The following ASAP2 variants were observed in gnomAD, a reference collection of about 807,000 sequenced individuals.
ASAP2 encodes ArfGAP with SH3 domain, ankyrin repeat and PH domain 2, also known as arf-GAP with SH3 domain, ANK repeat and PH domain-containing protein 2.
In ASAP2, 45 loss-of-function variants were observed where a neutral mutation model predicts 131.4. That is an observed-to-expected ratio of 0.34 (90% CI 0.27 to 0.44). The LOEUF (loss-of-function observed/expected upper bound fraction) is 0.44, where lower values mean the gene tolerates loss of function less well. Among genes scored for constraint, ASAP2 ranks in the 20% least tolerant of loss-of-function variants. ASAP2 has a pLI of 1.00. For synonymous variants in ASAP2, 510 were observed against 503.0 expected (o/e 1.01, Z -0.19); for missense variants, 1,011 against 1,297.0 (o/e 0.78, Z 3.39).
chr2:9,395,111 G>A (rs540325137), intron 24 of ASAP2, among the ~76,000 whole-genome samples: 9 of 152,310 alleles, frequency 5.9e-5, no homozygotes, highest in Admixed American at 5.9e-4. Flanking sequence ...TCAGTTACAA[G>A]CTCAGACACA....
At chr2:9,399,756 C>CCA (rs1254200646) in intron 24 of ASAP2, 2 of 527,476 alleles carry the variant, frequency 3.8e-6, no homozygotes, top group East Asian at 6.7e-5. Context: ...CAGCATCACT[C>CCA]CAGACCCTGG....
chr2:9,306,256 G>C (rs1182379966), intron 3 of ASAP2, among the ~76,000 whole-genome samples: 12 of 151,392 alleles, frequency 7.9e-5, no homozygotes, highest in African/African-American at 2.9e-4. Flanking sequence ...GATATGGCCT[G>C]GTGGGGCTGT....
chr2:9,206,998 GGAGCGGCGGCGGCAGCGGCGGTGTCC>G lies in ASAP2; in HGVS notation c.-97_-72del. The G allele has an allele frequency of 1.9e-6, 2 of 1,032,332 alleles. No individual in the cohort carries two copies. The highest frequency in any genetic ancestry group is 1.7e-5 in the African/African-American group (1 of 58,102). 63.9% of individuals were successfully genotyped at this position (1,032,332 alleles called of 1,614,324 possible). On this transcript the variant is annotated 5_prime_UTR_variant, in exon 1 of 28. Transcript: ENST00000281419. The surrounding 1 kb of genome is among the most constrained non-coding windows in gnomAD (Gnocchi z 4.0). ...CGGCGCTCCCCTTTGTCCGCGGGCC[GGAGCGGCGGCGGCAGCGGCGGTGTCC>G]GAGCGGCGGTCGGAGCCTGCTGCGG...
chr2:9,234,800 T>A (rs1382981518), intron 1 of ASAP2, among the ~76,000 whole-genome samples: 1 of 152,224 alleles, frequency 6.6e-6, no homozygotes, highest in Non-Finnish European at 1.5e-5. Context: ...TGGAGCCCAC[T>A]TCCGGCCTTG....
intron 15 of ASAP2, among the ~76,000 whole-genome samples, chr2:9,366,733 G>A (rs530115244): frequency 5.9e-5 from 9 of 152,244 alleles, no homozygotes; most frequent in African/African-American, 1.2e-4. Context: ...GCTTTGGGCC[G>A]CCTAGAAAAA....
In ASAP2 at chr2:9,404,574, G is replaced by C. The variant is rs1677037032; in HGVS notation, c.*1247G>C. ...GGAATATTGGAAATTTTGGCACTCTGAGAATAAATAGGCATATGATACCCA... is the reference window on the plus strand; with the variant it reads ...GGAATATTGGAAATTTTGGCACTCTCAGAATAAATAGGCATATGATACCCA... On this transcript the variant is annotated 3_prime_UTR_variant, in exon 28 of 28. Coordinates refer to ENST00000281419, the MANE Select transcript of ASAP2 (RefSeq NM_003887.3). 1.3e-5 allele frequency: 2 copies of C among 152,464 alleles called. No homozygotes were observed. The highest frequency in any genetic ancestry group is 4.1e-4 in the South Asian group (2 of 4,822). 9.4% of individuals were successfully genotyped at this position (152,464 alleles called of 1,614,324 possible). A position where few individuals can be genotyped will look rare whatever the true frequency, so the allele number is the denominator to read the frequency against.
intron 9 of ASAP2, among the ~76,000 whole-genome samples, chr2:9,339,950 G>A (rs919866947): frequency 2.0e-5 from 3 of 152,132 alleles, no homozygotes; most frequent in African/African-American, 7.2e-5. Context: ...GGTTTTCCAG[G>A]CACTTTACAA....
rs1263433025 is a variant in ASAP2 at position 9,334,798 on chromosome 2, T to C, written c.747T>C (p.Ser249=). The stretch of plus-strand genomic sequence containing the variant: ...TCAAACCTTCCATTGAAACGCTGTC[T>C]ACGGATCTTCACACGGTGAGTAGCT... ...ESLKPSIETL[S]TDLHTIKQAQ... The change falls in exon 8 of 28, where the codon TCT becomes TCC. Residue 249 remains serine (S), a synonymous_variant. Transcript: ENST00000281419. The C allele has an allele frequency of 6.2e-7, 1 of 1,613,980 alleles. No individual in the cohort carries two copies. Among genetic ancestry groups the C allele is most frequent in the Non-Finnish European group, 8.5e-7 (1 of 1,179,916 alleles).
intron 1 of ASAP2, among the ~76,000 whole-genome samples, chr2:9,277,683 G>A (rs1666845105): frequency 6.6e-6 from 1 of 152,108 alleles, no homozygotes; most frequent in Admixed American, 6.5e-5. Context: ...TGGTATGCTG[G>A]TGACCCTCAG....
chr2:9,307,399 C>T (rs1669013722), intron 3 of ASAP2, among the ~76,000 whole-genome samples: 3 of 152,194 alleles, frequency 2.0e-5, no homozygotes, highest in Admixed American at 2.0e-4. Context: ...GAGCTACTTC[C>T]TAAACCTGGA....
At chr2:9,305,897 A>G (rs1160402611) in intron 3 of ASAP2, among the ~76,000 whole-genome samples, 1 of 138,320 alleles carries the variant, frequency 7.2e-6, no homozygotes, top group Non-Finnish European at 1.5e-5. Context: ...ATTGGTTGAC[A>G]GGCTGGAGTA....
intron 1 of ASAP2, among the ~76,000 whole-genome samples, chr2:9,218,304 A>C (rs1333134011): frequency 6.6e-6 from 1 of 152,218 alleles, no homozygotes; most frequent in Admixed American, 6.5e-5. Flanking sequence ...GTCATCAGAC[A>C]CTAACTCCTG....
chr2:9,273,178 A>G lies in ASAP2; in HGVS notation c.127-6139A>G, dbSNP rs1167716644. Among the ~76,000 whole-genome samples, 5 of 152,300 alleles carry G rather than the reference A, an allele frequency of 3.3e-5. No homozygotes were observed. The East Asian group carries it at 9.6e-4, about 29-fold the overall frequency. On this transcript the variant is annotated intron_variant, in intron 1 of 27. Coordinates refer to ENST00000281419, the MANE Select transcript of ASAP2 (RefSeq NM_003887.3). Reference sequence around the variant, plus strand: ...ACAATATTGATTCTTCCAGTCCACAAATATGGAATATCTTCATTTTTTTTG... The same window carrying G: ...ACAATATTGATTCTTCCAGTCCACAGATATGGAATATCTTCATTTTTTTTG...
intron 1 of ASAP2, among the ~76,000 whole-genome samples, chr2:9,237,817 T>C (rs1663664151): frequency 6.6e-6 from 1 of 152,196 alleles, no homozygotes; most frequent in African/African-American, 2.4e-5. Flanking sequence ...CCCATGTTTC[T>C]TCTTTTGATT....
At chr2:9,396,187 G>C (rs1047600134) in intron 24 of ASAP2, among the ~76,000 whole-genome samples, 2 of 152,008 alleles carry the variant, frequency 1.3e-5, no homozygotes, top group Non-Finnish European at 2.9e-5. Context: ...CCTTCCAGAG[G>C]GTCCTGAGCC....
intron 1 of ASAP2, among the ~76,000 whole-genome samples, chr2:9,243,940 T>A (rs1664161140): frequency 6.6e-6 from 1 of 152,172 alleles, no homozygotes; most frequent in Non-Finnish European, 1.5e-5. Flanking sequence ...TTATGAAATA[T>A]GTATATGAAG....
chr2:9,272,453 TATTA>T (rs1558285564), intron 1 of ASAP2, among the ~76,000 whole-genome samples: 1 of 152,266 alleles, frequency 6.6e-6, no homozygotes, highest in African/African-American at 2.4e-5. Flanking sequence ...ATATTTTGGT[TATTA>T]ATTCCTTGTC....
rs546587504 is a variant in ASAP2, at chr2:9,311,899, A to G, written c.346-6625A>G. ...GGCGTGTGTGCTGTGTGGATTGCATACACCAAGCATGGAAAGGCAGAGGCA... is the reference window on the plus strand; with the variant it reads ...GGCGTGTGTGCTGTGTGGATTGCATGCACCAAGCATGGAAAGGCAGAGGCA... On this transcript the variant is annotated intron_variant, in intron 3 of 27. Coordinates refer to ENST00000281419, the MANE Select transcript of ASAP2 (RefSeq NM_003887.3). The surrounding 1 kb of genome is among the most constrained non-coding windows in gnomAD (Gnocchi z 5.2). Among the ~76,000 whole-genome samples, 1 of 152,368 alleles carries G rather than the reference A, an allele frequency of 6.6e-6. No homozygotes were observed. Among genetic ancestry groups the G allele is most frequent in the Non-Finnish European group, 1.5e-5 (1 of 68,036 alleles).
At chr2:9,362,009 G>A (rs1474448763) in intron 15 of ASAP2, among the ~76,000 whole-genome samples, 3 of 148,964 alleles carry the variant, frequency 2.0e-5, no homozygotes, top group African/African-American at 7.7e-5. Flanking sequence ...GTGTGTGTGT[G>A]TGTATTTAGA....
Sources: gnomAD v4.1 joint callset for allele counts (sites outside exome capture counted in the v4.1 genomes callset) on GRCh38, gnomAD v4.1.1 for gene constraint, Gnocchi (gnomAD v3.1) non-coding constraint, MANE v1.5 for transcripts, NCBI Gene and HGNC (gene_info 2026-07-23, HGNC 2026-07-21) for gene names.